Variants in SEPTIN7 observed in about 807,000 individuals in gnomAD.
The protein encoded by SEPTIN7 is septin 7.
Under a neutral mutation model 63.3 loss-of-function variants are expected in SEPTIN7, and 10 were observed. That is an observed-to-expected ratio of 0.16 (90% confidence interval 0.10 to 0.27). The LOEUF (loss-of-function observed/expected upper bound fraction) is 0.27, where lower values mean the gene tolerates loss of function less well. Among genes scored for constraint, SEPTIN7 ranks in the 10% least tolerant of loss-of-function variants. SEPTIN7 has a pLI of 1.00. For missense variants in SEPTIN7, 310 were observed against 521.0 expected, an observed-to-expected ratio of 0.59 and a Z score of 3.94; for synonymous variants, 131 against 165.3, an observed-to-expected ratio of 0.79 and a Z score of 1.59.
At chr7:35,873,869 A>G (rs1161649688) in intron 6 of SEPTIN7, 94 bp downstream of exon 6, 4 of 1,189,910 alleles carry the variant, frequency 3.4e-6, no homozygotes, top group Non-Finnish European at 4.9e-6. Flanking sequence ...TTTGTGAAGT[A>G]CACACAACTA....
At chr7:35,912,153 G>A in the SEPTIN7 span, among the ~76,000 whole-genome samples, 2 of 152,180 alleles carry the variant, frequency 1.3e-5, no homozygotes, top group African/African-American at 4.8e-5. Context: ...GCCATAAACT[G>A]GCCACAAAAC....
At chr7:35,830,513 A>G (rs1312901977) in intron 1 of SEPTIN7, among the ~76,000 whole-genome samples, 1 of 152,220 alleles carries the variant, frequency 6.6e-6, no homozygotes, top group Admixed American at 6.5e-5. Flanking sequence ...AGCTCCCCCA[A>G]GTGATTCTAA....
At chr7:35,886,916 A>G (rs1357953041) in intron 10 of SEPTIN7, among the ~76,000 whole-genome samples, 1 of 152,226 alleles carries the variant, frequency 6.6e-6, no homozygotes, top group East Asian at 1.9e-4. Flanking sequence ...AATAAATGGC[A>G]TGTAATTGAT....
At chr7:35,844,721 G>C (rs1284541717) in intron 3 of SEPTIN7, among the ~76,000 whole-genome samples, 1 of 152,012 alleles carries the variant, frequency 6.6e-6, no homozygotes, top group Non-Finnish European at 1.5e-5. Context: ...TCCTGCCTCA[G>C]CCTCCCGAGT....
At chr7:35,817,841 T>G (rs974191731) in intron 1 of SEPTIN7, among the ~76,000 whole-genome samples, 32 of 152,018 alleles carry the variant, frequency 2.1e-4, no homozygotes, top group Non-Finnish European at 2.9e-5. Context: ...ATGCAATTGA[T>G]TTTTGTATAT....
At position 35,905,088 on chromosome 7, in the gene SEPTIN7, G is replaced by A. The variant is rs1334007059; in HGVS notation, c.*795G>A. 3 of 152,510 alleles carry A rather than the reference G, an allele frequency of 2.0e-5. No homozygotes were observed. Among genetic ancestry groups the A allele is most frequent in the Admixed American group, 6.5e-5 (1 of 15,276 alleles). 9.4% of individuals were successfully genotyped at this position (152,510 alleles called of 1,614,324 possible). A position where few individuals can be genotyped will look rare whatever the true frequency, so the allele number is the denominator to read the frequency against. On this transcript the variant is annotated 3_prime_UTR_variant, in exon 14 of 14. Transcript: ENST00000350320. ...ACACTTTATGGTAAGTAGCAGGGGG[G>A]GAAATGCATTTATAGATCATTTCTA...
In SEPTIN7 at chr7:35,801,214, C is replaced by T. The variant is rs547978971; in HGVS notation, c.5C>T (p.Ser2Leu). M[S>L]VSARSAAAEE... ...GGTCGCGGAGGGGGGGAGGGGATGT[C>T]GGTCAGTGCGAGATCCGCTGCTGCT... Residue 2 changes from serine to leucine, a missense_variant, in exon 1 of 14, where the codon TCG becomes TTG. Ser to Leu is a moderately radical substitution (Grantham distance 145). Coordinates refer to ENST00000350320, the MANE Select transcript of SEPTIN7 (RefSeq NM_001788.6). The T allele has an allele frequency of 4.9e-5, 75 of 1,517,558 alleles. No homozygotes were observed. Among genetic ancestry groups the T allele is most frequent in the Non-Finnish European group, 6.6e-5 (75 of 1,132,044 alleles). 94.0% of individuals were successfully genotyped at this position (1,517,558 alleles called of 1,614,324 possible).
chr7:35,877,249 G>A (rs1786527395), intron 6 of SEPTIN7, among the ~76,000 whole-genome samples: 2 of 152,166 alleles, frequency 1.3e-5, no homozygotes, highest in South Asian at 2.1e-4. Flanking sequence ...GAATGCCAGT[G>A]TCAATTTTCA....
chr7:35,867,158 A>G (rs970612670), intron 4 of SEPTIN7, among the ~76,000 whole-genome samples: 3 of 152,106 alleles, frequency 2.0e-5, no homozygotes, highest in Admixed American at 6.5e-5. Flanking sequence ...TTTTACTTAT[A>G]TATATATTTT....
intron 10 of SEPTIN7, among the ~76,000 whole-genome samples, chr7:35,887,892 A>G (rs189713161): frequency 3.5e-4 from 53 of 152,354 alleles, no homozygotes; most frequent in African/African-American, 1.2e-3. Context: ...GGAAGGAAAT[A>G]AAATACCAAT....
intron 10 of SEPTIN7, among the ~76,000 whole-genome samples, chr7:35,887,459 G>A (rs1181495741): frequency 6.6e-6 from 1 of 152,178 alleles, no homozygotes; most frequent in Non-Finnish European, 1.5e-5. Flanking sequence ...TAATTCTCCT[G>A]CCTCAGCTTC....
intron 3 of SEPTIN7, among the ~76,000 whole-genome samples, chr7:35,839,211 A>T (rs906702423): frequency 6.6e-5 from 10 of 152,106 alleles, no homozygotes; most frequent in Non-Finnish European, 1.0e-4. Context: ...ATTACATGAC[A>T]GTTAGGAAAT....
chr7:35,872,079 G>A (rs117985259), intron 4 of SEPTIN7, among the ~76,000 whole-genome samples: 3,152 of 152,198 alleles, frequency 0.021, 50 homozygotes, highest in Non-Finnish European at 0.034. Flanking sequence ...TGTCCAGAAT[G>A]TGGAGTATCA....
intron 4 of SEPTIN7, among the ~76,000 whole-genome samples, chr7:35,868,076 G>A (rs1007501947): frequency 3.2e-4 from 48 of 151,946 alleles, no homozygotes; most frequent in African/African-American, 1.1e-3. Context: ...CACCATGTTG[G>A]CCAGGCTGGT....
intron 2 of SEPTIN7, chr7:35,832,209 C>A (rs1391121590): frequency 2.6e-6 from 1 of 392,092 alleles, no homozygotes; most frequent in African/African-American, 2.2e-5. Flanking sequence ...TCATGTGAAA[C>A]CTTGAAGTGA....
chr7:35,897,707 G>A (rs1344274610), intron 11 of SEPTIN7, among the ~76,000 whole-genome samples: 8 of 152,210 alleles, frequency 5.3e-5, no homozygotes, highest in Admixed American at 1.3e-4. Context: ...ATCATAAGGG[G>A]CCTAGAAATA....
chr7:35,889,548 T>A (rs71526426), intron 10 of SEPTIN7, among the ~76,000 whole-genome samples: 13,237 of 151,754 alleles, frequency 0.087, 622 homozygotes, highest in Non-Finnish European at 0.11. Context: ...AACAATACAC[T>A]TTTTTTTTCT....
intron 1 of SEPTIN7, among the ~76,000 whole-genome samples, chr7:35,822,737 C>A (rs1406625438): frequency 6.6e-6 from 1 of 152,192 alleles, no homozygotes; most frequent in Non-Finnish European, 1.5e-5. Flanking sequence ...CCTAATATTT[C>A]CATGATACAA....
intron 10 of SEPTIN7, 106 bp from the exon 11 acceptor site, chr7:35,890,562 C>T (rs1787570288): frequency 2.0e-6 from 2 of 980,458 alleles, no homozygotes; most frequent in Non-Finnish European, 2.7e-6. Context: ...CATTTTAAAT[C>T]TGAAATTTTT....
Sources: allele counts gnomAD v4.1 joint callset (sites outside exome capture counted in the v4.1 genomes callset), GRCh38; gene constraint gnomAD v4.1.1; transcripts MANE v1.5; gene names NCBI Gene and HGNC (gene_info 2026-07-23, HGNC 2026-07-21).